AK3: variants seen among roughly 807,000 people sequenced by gnomAD.
The protein encoded by AK3 is GTP:AMP phosphotransferase AK3, mitochondrial.
In AK3, 27 loss-of-function variants were observed where a neutral mutation model predicts 23.7. The ratio of observed to expected loss-of-function variants is 1.14; its 90% CI spans 0.84 to 1.57. The LOEUF is 1.57. AK3 is among the 40% of genes most tolerant of loss of function. The pLI, the probability that AK3 is intolerant of heterozygous loss-of-function variation, is 0.00. For missense variants in AK3, 406 were observed against 285.6 expected, an observed-to-expected ratio of 1.42 and a Z score of -3.04; for synonymous variants, 159 against 116.0, an observed-to-expected ratio of 1.37 and a Z score of -2.38.
intron 4 of AK3, among the ~76,000 whole-genome samples, chr9:4,715,307 T>C (rs566680642): frequency 6.6e-6 from 1 of 150,420 alleles, no homozygotes; most frequent in African/African-American, 2.4e-5. Context: ...AGAAGGAGCC[T>C]AGAAAGACTT....
intron 1 of AK3, among the ~76,000 whole-genome samples, chr9:4,736,798 C>A (rs942456929): frequency 4.6e-5 from 7 of 151,788 alleles, no homozygotes; most frequent in Admixed American, 4.6e-4. Flanking sequence ...TCGCCTCAGC[C>A]TCTCAGAGAG....
chr9:4,717,474 C>T (rs1395934012), intron 4 of AK3, among the ~76,000 whole-genome samples: 2 of 152,190 alleles, frequency 1.3e-5, no homozygotes, highest in Non-Finnish European at 2.9e-5. Context: ...GAGATTCTTC[C>T]ACACCATAGC....
intron 2 of AK3, among the ~76,000 whole-genome samples, chr9:4,720,995 C>G (rs1400083970): frequency 6.6e-6 from 1 of 152,198 alleles, no homozygotes; most frequent in Non-Finnish European, 1.5e-5. Context: ...CTCAAGACCT[C>G]CCACAAATGG....
intron 1 of AK3, among the ~76,000 whole-genome samples, chr9:4,736,044 G>A (rs1372190067): frequency 6.6e-6 from 1 of 151,096 alleles, no homozygotes; most frequent in Admixed American, 6.6e-5. Flanking sequence ...GAACGTGGGA[G>A]GCGGAGGTTA....
chr9:4,722,627 T>C lies in AK3; in HGVS notation c.152-2A>G. 5 of 1,614,178 alleles carry C rather than the reference T, an allele frequency of 3.1e-6. No individual in the cohort carries two copies. The highest frequency in any genetic ancestry group is 3.4e-6 in the Non-Finnish European group (4 of 1,180,014). On this transcript the variant is annotated splice_acceptor_variant, in intron 1 of 4. Coordinates refer to ENST00000381809, the MANE Select transcript of AK3 (RefSeq NM_016282.4). LOFTEE classifies it high-confidence loss of function. ...AAGCCTTGGCTAACACGCCAATTTCTACAGCAAAGCGGGGAAAAAAATCAG... is the reference window on the plus strand; with the variant it reads ...AAGCCTTGGCTAACACGCCAATTTCCACAGCAAAGCGGGGAAAAAAATCAG...
At position 4,741,013 on chromosome 9, in the gene AK3, C is replaced by T. The variant is rs1587665996; in HGVS notation, c.75G>A (p.Ser25=). Residue 25 remains serine, a synonymous_variant, in exon 1 of 5, where the codon TCG becomes TCA. Coordinates refer to ENST00000381809, the MANE Select transcript of AK3 (RefSeq NM_016282.4). ...APGSGKGTVS[S]RITTHFELKH... ...TCAGCTCGAAGTGTGTAGTGATGCG[C>T]GACGACACGGTGCCCTTGCCCGAGC... 1 of 1,593,288 alleles carries T rather than the reference C, an allele frequency of 6.3e-7. No homozygotes were observed.
intron 2 of AK3, among the ~76,000 whole-genome samples, chr9:4,720,531 G>A (rs955143268): frequency 3.3e-5 from 5 of 151,658 alleles, no homozygotes; most frequent in East Asian, 1.9e-4. Flanking sequence ...AAATAACAAC[G>A]ACAACAAAAT....
At chr9:4,719,631 C>G (rs551004694) in intron 2 of AK3, among the ~76,000 whole-genome samples, 2 of 152,246 alleles carry the variant, frequency 1.3e-5, no homozygotes, top group Admixed American at 6.5e-5. Context: ...TGGGCCTTAT[C>G]TAATCAATTT....
At chr9:4,720,495 G>T (rs565052565) in intron 2 of AK3, among the ~76,000 whole-genome samples, 1 of 152,162 alleles carries the variant, frequency 6.6e-6, no homozygotes, top group South Asian at 2.1e-4. Context: ...ACCAGCCTGG[G>T]CAACATAGCA....
chr9:4,716,632 A>T (rs1321263719), intron 4 of AK3, among the ~76,000 whole-genome samples: 1 of 152,192 alleles, frequency 6.6e-6, no homozygotes, highest in African/African-American at 2.4e-5. Flanking sequence ...TCCAGAAAAA[A>T]TTAAGATGGT....
In AK3 at chr9:4,719,269, T is replaced by C. The variant is rs1250165811; in HGVS notation, c.310A>G (p.Arg104Gly). The C allele has an allele frequency of 2.5e-6, 4 of 1,610,696 alleles. No homozygotes were observed. The highest frequency in any genetic ancestry group is 2.2e-5 in the East Asian group (1 of 44,770). The change falls in exon 3 of 5, where the codon AGA (arginine) becomes GGA (glycine). Residue 104 changes from arginine (R) to glycine (G), a missense_variant. Coordinates refer to ENST00000381809, the MANE Select transcript of AK3 (RefSeq NM_016282.4). ...ATCACTGTGTCGATCTGATAAGCTC[T>C]ATCTAGGGCTTCTGCCTGTGGAAGT... ...RTLPQAEALDRAYQIDTVINL... is the reference protein window; with the variant it reads ...RTLPQAEALDGAYQIDTVINL...
chr9:4,740,833 G>A, intron 1 of AK3, 104 bp downstream of exon 1: 1 of 1,296,432 alleles, frequency 7.7e-7, no homozygotes, highest in Non-Finnish European at 1.0e-6. Context: ...GGAGGGAAAT[G>A]CCGCGCCCGC....
rs1377591457 is a variant in AK3, at chr9:4,710,341, G to A, written c.*2635C>T. On this transcript the variant is annotated 3_prime_UTR_variant, in exon 5 of 5. Coordinates refer to ENST00000381809, the MANE Select transcript of AK3 (RefSeq NM_016282.4). ...TCCTGCCTCAACCTCCCGAGTAGCT[G>A]GGACTACAGGCGCCCGCCACCATGC... The A allele has an allele frequency of 6.6e-6, 1 of 150,920 alleles. No individual in the cohort carries two copies. The highest frequency in any genetic ancestry group is 1.5e-5 in the Non-Finnish European group (1 of 67,828). 9.3% of individuals were successfully genotyped at this position (150,920 alleles called of 1,614,324 possible). A position where few individuals can be genotyped will look rare whatever the true frequency, so the allele number is the denominator to read the frequency against.
At position 4,712,097 on chromosome 9, in the gene AK3, G is replaced by T. The variant is rs1234879266; in HGVS notation, c.*879C>A. 3 of 151,778 alleles carry T rather than the reference G, an allele frequency of 2.0e-5. No individual in the cohort carries two copies. The East Asian group carries it at 5.8e-4, about 29-fold the overall frequency. 9.4% of individuals were successfully genotyped at this position (151,778 alleles called of 1,614,324 possible). A position where few individuals can be genotyped will look rare whatever the true frequency, so the allele number is the denominator to read the frequency against. On this transcript the variant is annotated 3_prime_UTR_variant, in exon 5 of 5. Transcript: ENST00000381809. Reference sequence around the variant, plus strand: ...GGCGGGGGAGATGGTACTATAACTTGTTATTTATCAGGGCAGATCACACAT... The same window carrying T: ...GGCGGGGGAGATGGTACTATAACTTTTTATTTATCAGGGCAGATCACACAT...
At chr9:4,722,390 G>C (rs921705309) in intron 2 of AK3, 116 bp downstream of exon 2, 10 of 1,444,556 alleles carry the variant, frequency 6.9e-6, no homozygotes, top group Non-Finnish European at 7.5e-6. Flanking sequence ...ATAGTCCCAA[G>C]CACCCCTCTC....
At chr9:4,740,152 C>G (rs553379679) in intron 1 of AK3, among the ~76,000 whole-genome samples, 1 of 149,762 alleles carries the variant, frequency 6.7e-6, no homozygotes, top group African/African-American at 2.5e-5. Context: ...AGTTTCAAAA[C>G]GGGTTCTATT....
At chr9:4,727,274 C>G (rs1198041706) in intron 1 of AK3, among the ~76,000 whole-genome samples, 3 of 152,192 alleles carry the variant, frequency 2.0e-5, no homozygotes, top group Non-Finnish European at 2.9e-5. Context: ...GCATTGACTT[C>G]TCTTCTCCAG....
upstream of AK3, chr9:4,741,311 C>T (rs1316795351): frequency 4.8e-6 from 2 of 417,046 alleles, no homozygotes; most frequent in South Asian, 9.7e-5. Context: ...GCACCCCCCG[C>T]CCCCGACCGA....
In AK3 at chr9:4,712,599, C is replaced by A. The variant is rs1351518675; in HGVS notation, c.*377G>T. ...GCACAAATTTCTGATTACGTATTTT[C>A]TCCAAATGACATGTAACTTTTTTTA... On this transcript the variant is annotated 3_prime_UTR_variant, in exon 5 of 5. Transcript: ENST00000381809. The A allele has an allele frequency of 6.5e-6, 1 of 153,926 alleles. No individual in the cohort carries two copies. The highest frequency in any genetic ancestry group is 1.9e-4 in the East Asian group (1 of 5,244). The allele number at this position is 153,926 out of a possible 1,614,324, so 9.5% of individuals were successfully genotyped here.
Sources: gnomAD v4.1 joint callset for allele counts (sites outside exome capture counted in the v4.1 genomes callset) on GRCh38, gnomAD v4.1.1 for gene constraint, MANE v1.5 for transcripts, NCBI Gene and HGNC (gene_info 2026-07-23, HGNC 2026-07-21) for gene names.